The following DOCK3 variants were observed in gnomAD, a reference collection of about 807,000 sequenced individuals.
DOCK3 encodes the protein dedicator of cytokinesis 3, also known as dedicator of cytokinesis protein 3.
DOCK3 carries 60 observed loss-of-function variants against 265.6 expected under a neutral mutation model. The observed-to-expected ratio is 0.23, with a 90% CI of 0.18 to 0.28. The LOEUF is 0.28. DOCK3 is among the 10% of genes least tolerant of loss of function. The pLI is 1.00. For synonymous variants in DOCK3, 881 were observed against 938.0 expected, an observed-to-expected ratio of 0.94 and a Z score of 1.11; for missense variants, 1,981 against 2,594.3, an observed-to-expected ratio of 0.76 and a Z score of 5.14.
chr3:51,060,561 A>G (rs145824623), intron 5 of DOCK3, among the ~76,000 whole-genome samples: 134 of 152,194 alleles, frequency 8.8e-4, no homozygotes, highest in African/African-American at 3.0e-3. Flanking sequence ...ATCTTGAATT[A>G]ATTTTTGTAT....
At chr3:51,047,064 GA>G (rs1401788412) in intron 5 of DOCK3, among the ~76,000 whole-genome samples, 5 of 151,854 alleles carry the variant, frequency 3.3e-5, no homozygotes, top group African/African-American at 1.2e-4. Flanking sequence ...AATTTATAGT[GA>G]TAAATATCTA....
intron 52 of DOCK3, 135 bp downstream of exon 52, chr3:51,380,342 G>T: frequency 1.2e-6 from 1 of 812,046 alleles, no homozygotes; most frequent in Non-Finnish European, 1.9e-6. Flanking sequence ...AGAAGCTGGG[G>T]GTGGCCAGAG....
intron 6 of DOCK3, among the ~76,000 whole-genome samples, chr3:51,069,122 C>G (rs2081741065): frequency 6.6e-6 from 1 of 152,040 alleles, no homozygotes; most frequent in Non-Finnish European, 1.5e-5. Flanking sequence ...TGTAGATACT[C>G]CATAAGTAAA....
At chr3:50,682,163 A>T (rs1205395107) in intron 1 of DOCK3, among the ~76,000 whole-genome samples, 1 of 152,236 alleles carries the variant, frequency 6.6e-6, no homozygotes, top group Non-Finnish European at 1.5e-5. Flanking sequence ...ACTAGTTGGA[A>T]CAGCTAGCAT....
chr3:51,093,788 G>T (rs1220656490), intron 9 of DOCK3, among the ~76,000 whole-genome samples: 3 of 152,198 alleles, frequency 2.0e-5, no homozygotes, highest in Non-Finnish European at 4.4e-5. Flanking sequence ...CATTCAGTAT[G>T]ATACTGGCTC....
intron 5 of DOCK3, among the ~76,000 whole-genome samples, chr3:51,007,296 A>T (rs2078721478): frequency 1.3e-5 from 2 of 152,234 alleles, no homozygotes; most frequent in Admixed American, 1.3e-4. Flanking sequence ...TTGTTTCCTG[A>T]CTTTTTAATG....
chr3:50,822,889 T>C (rs2106946131), intron 2 of DOCK3, among the ~76,000 whole-genome samples: 1 of 152,324 alleles, frequency 6.6e-6, no homozygotes, highest in South Asian at 2.1e-4. Context: ...TTAATGAGAT[T>C]ATATGGAGAA....
At chr3:50,679,508 C>T (rs1487172861) in intron 1 of DOCK3, among the ~76,000 whole-genome samples, 1 of 152,056 alleles carries the variant, frequency 6.6e-6, no homozygotes, top group African/African-American at 2.4e-5. Flanking sequence ...TAAAAACAAA[C>T]AAACAAACAA....
chr3:51,040,419 TAAAATACTTTATTGCTAAAAAA>T (rs1285804731), intron 5 of DOCK3, among the ~76,000 whole-genome samples: 4 of 152,180 alleles, frequency 2.6e-5, no homozygotes, highest in Admixed American at 2.6e-4. Flanking sequence ...ACCTTAATTT[TAAAATACTTTATTGCTAAAAAA>T]ATGCTAATTA....
intron 9 of DOCK3, among the ~76,000 whole-genome samples, chr3:51,130,394 G>A (rs754965206): frequency 1.3e-5 from 2 of 152,228 alleles, no homozygotes; most frequent in African/African-American, 2.4e-5. Flanking sequence ...GCTTCTGGTG[G>A]GCCTTATGGA....
intron 3 of DOCK3, among the ~76,000 whole-genome samples, chr3:50,858,753 C>T (rs1451522442): frequency 3.3e-5 from 5 of 152,230 alleles, no homozygotes; most frequent in South Asian, 2.1e-4. Context: ...TTTTCCAGGT[C>T]GTTTGCTTTC....
intron 4 of DOCK3, among the ~76,000 whole-genome samples, chr3:50,895,393 C>CT (rs1252465360): frequency 3.3e-4 from 48 of 146,112 alleles, no homozygotes; most frequent in South Asian, 6.5e-4. Flanking sequence ...TCTTCTTCTT[C>CT]TTTTTTTTTT....
intron 12 of DOCK3, among the ~76,000 whole-genome samples, chr3:51,182,404 C>T (rs994360890): frequency 6.6e-6 from 1 of 152,158 alleles, no homozygotes; most frequent in Non-Finnish European, 1.5e-5. Context: ...TGCCATAATA[C>T]TCTAAGGTAT....
chr3:51,104,412 G>A (rs1277886549), intron 9 of DOCK3, among the ~76,000 whole-genome samples: 1 of 152,180 alleles, frequency 6.6e-6, no homozygotes, highest in African/African-American at 2.4e-5. Flanking sequence ...GAGGGGAAGA[G>A]GGACATGTTC....
intron 5 of DOCK3, among the ~76,000 whole-genome samples, chr3:51,051,007 A>G: frequency 6.6e-6 from 1 of 152,018 alleles, no homozygotes; most frequent in East Asian, 1.9e-4. Flanking sequence ...ATGGCAGTTC[A>G]TTGGTTTCAG....
chr3:51,058,504 A>G (rs940663332), intron 5 of DOCK3, among the ~76,000 whole-genome samples: 16 of 152,164 alleles, frequency 1.1e-4, no homozygotes, highest in Non-Finnish European at 2.9e-5. Context: ...GATATTGTAT[A>G]TGTGTATTGT....
chr3:50,675,242 C>T lies in DOCK3; in HGVS notation c.-22C>T. 1 of 1,179,140 alleles carries T rather than the reference C, an allele frequency of 8.5e-7. No homozygotes were observed. The highest frequency in any genetic ancestry group is 1.1e-6 in the Non-Finnish European group (1 of 946,462). The allele number at this position is 1,179,140 out of a possible 1,614,324, so 73.0% of individuals were successfully genotyped here. The stretch of plus-strand genomic sequence containing the variant: ...CGTTGTCGCCCGGTCGCCGCGCCCG[C>T]GGGGCCGCGCCCGGCACGGCCATGT... On this transcript the variant is annotated 5_prime_UTR_variant, in exon 1 of 53. Coordinates refer to ENST00000266037, the MANE Select transcript of DOCK3 (RefSeq NM_004947.5). This position sits in a 1 kb window ranked among gnomAD's most constrained non-coding sequence, Gnocchi z 6.1.
chr3:51,204,910 G>A (rs1022847935), intron 12 of DOCK3, among the ~76,000 whole-genome samples: 16 of 151,690 alleles, frequency 1.1e-4, no homozygotes, highest in East Asian at 1.9e-4. Flanking sequence ...GTAAACTATC[G>A]CAAGAACAAA....
At chr3:51,181,347 C>T (rs941523170) in intron 12 of DOCK3, among the ~76,000 whole-genome samples, 1 of 134,472 alleles carries the variant, frequency 7.4e-6, no homozygotes, top group African/African-American at 2.8e-5. Flanking sequence ...TCCAAGTGTT[C>T]TCATTGTTCA....
Sources: allele counts gnomAD v4.1 joint callset (sites outside exome capture counted in the v4.1 genomes callset), GRCh38; gene constraint gnomAD v4.1.1; non-coding constraint Gnocchi (gnomAD v3.1); transcripts MANE v1.5; gene names NCBI Gene and HGNC (gene_info 2026-07-23, HGNC 2026-07-21).